Variants in LRRC7 observed in about 807,000 individuals in gnomAD.
LRRC7 encodes leucine rich repeat containing 7, also known as leucine-rich repeat-containing protein 7.
A neutral mutation model predicts 175.7 loss-of-function variants in LRRC7; 23 were observed. The ratio of observed to expected loss-of-function variants is 0.13; its 90% CI spans 0.09 to 0.19. The LOEUF (loss-of-function observed/expected upper bound fraction) is 0.19, where lower values mean the gene tolerates loss of function less well. Among genes scored for constraint, LRRC7 ranks in the 10% least tolerant of loss-of-function variants. The pLI is 1.00. For missense variants in LRRC7, 1,354 were observed against 1,904.7 expected, an observed-to-expected ratio of 0.71 and a Z score of 5.38; for synonymous variants, 685 against 680.9, an observed-to-expected ratio of 1.01 and a Z score of -0.09.
intron 4 of LRRC7, among the ~76,000 whole-genome samples, chr1:69,795,937 T>C (rs927705004): frequency 6.6e-6 from 1 of 151,990 alleles, no homozygotes; most frequent in Admixed American, 6.5e-5. Context: ...TTTCTTATTT[T>C]GTTTTTCCTA....
chr1:70,032,990 C>T (rs1241226415), intron 18 of LRRC7, among the ~76,000 whole-genome samples: 6 of 152,178 alleles, frequency 3.9e-5, no homozygotes, highest in African/African-American at 1.4e-4. Context: ...TAGAAGTAGT[C>T]CCCAAAACTT....
Position 70,001,267 on chromosome 1 carries a change from G to T in LRRC7, c.1004+6634G>T, listed in dbSNP as rs558231502. ...GATGAGAATATCAAACATTAATGAT[G>T]TTTGTAATGAGTATGGCTTCATATT... On this transcript the variant is annotated intron_variant, in intron 11 of 26. Coordinates refer to ENST00000651989, the MANE Select transcript of LRRC7 (RefSeq NM_001370785.2). 1.1e-3 allele frequency among the ~76,000 whole-genome samples: 173 copies of T among 152,226 alleles called. 2 individuals carry two copies. Among genetic ancestry groups the T allele is most frequent in the South Asian group, 1.7e-3 (8 of 4,830 alleles).
Position 70,076,089 on chromosome 1 carries a change from A to G in LRRC7, c.4243A>G (p.Ile1415Val). 1.2e-6 allele frequency: 2 copies of G among 1,613,596 alleles called. No homozygotes were observed. The highest frequency in any genetic ancestry group is 2.7e-5 in the African/African-American group (2 of 75,014). ...DTITKKAGSHIQTLMGSQSLQ... is the reference protein window; with the variant it reads ...DTITKKAGSHVQTLMGSQSLQ... ...ATCTTCTCCACAGGCAGGCAGCCACATCCAGACGTTGATGGGGTCCCAAAG... is the reference window on the plus strand; with the variant it reads ...ATCTTCTCCACAGGCAGGCAGCCACGTCCAGACGTTGATGGGGTCCCAAAG... The change falls in exon 24 of 27, where the codon ATC becomes GTC. Residue 1415 changes from isoleucine (I) to valine (V), a missense_variant. Around this residue, in one of 4 missense-constraint regions of LRRC7, gnomAD observed 1,032 missense variants for 1,227.2 expected, o/e 0.84. Transcript: ENST00000651989.
chr1:69,767,242 G>C (rs1671722204), intron 3 of LRRC7, among the ~76,000 whole-genome samples: 1 of 151,976 alleles, frequency 6.6e-6, no homozygotes, highest in Admixed American at 6.6e-5. Flanking sequence ...TCCTTTGTAT[G>C]ATTATACCGT....
rs776390791 is a variant in LRRC7, at chr1:69,598,195, G to A, written c.2+29554G>A. ...GGCTTTTCCTACTCTGCTGCTATAG[G>A]GTCAGGTAATGAAGCTTCATTTACC... On this transcript the variant is annotated intron_variant, in intron 1 of 26. Coordinates refer to ENST00000651989, the MANE Select transcript of LRRC7 (RefSeq NM_001370785.2). Among the ~76,000 whole-genome samples the A allele has an allele frequency of 2.3e-4, 35 of 151,970 alleles. 1 individual carries two copies. The highest frequency in any genetic ancestry group is 3.7e-4 in the Non-Finnish European group (25 of 68,012).
At chr1:69,723,367 T>C (rs945218966) in intron 2 of LRRC7, among the ~76,000 whole-genome samples, 1 of 152,116 alleles carries the variant, frequency 6.6e-6, no homozygotes, top group African/African-American at 2.4e-5. Context: ...ACACCTTCAT[T>C]TGAGACTTAA....
At chr1:69,596,856 C>T (rs1646865339) in intron 1 of LRRC7, among the ~76,000 whole-genome samples, 1 of 152,250 alleles carries the variant, frequency 6.6e-6, no homozygotes, top group Non-Finnish European at 1.5e-5. Context: ...CCATGTTCCT[C>T]TTTCTCCTCT....
At chr1:70,048,415 C>T (rs1008659858) in intron 22 of LRRC7, among the ~76,000 whole-genome samples, 13 of 152,070 alleles carry the variant, frequency 8.5e-5, no homozygotes, top group Admixed American at 1.3e-4. Context: ...GTTTCACTGT[C>T]ATAACTCCTG....
rs574357981 is a variant in LRRC7, at chr1:69,650,539, C to CAAAAAAAAAAAAAAAAA, written c.3-27827_3-27826insAAAAAAAAAAAAAAAAA. On this transcript the variant is annotated intron_variant, in intron 1 of 26. Coordinates refer to ENST00000651989, the MANE Select transcript of LRRC7 (RefSeq NM_001370785.2). Reference sequence around the variant, plus strand: ...TGGGCGAAAAAGAGAGACTCCGTCTCAAAAAAAAAAAAAAATGCCAAGCAT... The same window carrying CAAAAAAAAAAAAAAAAA: ...TGGGCGAAAAAGAGAGACTCCGTCTCAAAAAAAAAAAAAAAAAAAAAAAAAAAAAAAATGCCAAGCAT... 3.0e-3 allele frequency among the ~76,000 whole-genome samples: 234 copies of CAAAAAAAAAAAAAAAAA among 79,122 alleles called. 13 individuals are homozygous for CAAAAAAAAAAAAAAAAA. Among genetic ancestry groups the CAAAAAAAAAAAAAAAAA allele is most frequent in the African/African-American group, 9.4e-3 (179 of 18,958 alleles). The allele number at this position is 79,122 out of a possible 152,430, so 51.9% of individuals were successfully genotyped here. A position where few individuals can be genotyped will look rare whatever the true frequency, so the allele number is the denominator to read the frequency against.
chr1:69,714,389 T>G (rs1665108639), intron 2 of LRRC7, among the ~76,000 whole-genome samples: 1 of 152,214 alleles, frequency 6.6e-6, no homozygotes, highest in Admixed American at 6.5e-5. Context: ...AAGCAGCTTA[T>G]GAAAAAGTTA....
At chr1:69,658,739 A>T (rs1201682330) in intron 1 of LRRC7, among the ~76,000 whole-genome samples, 2 of 152,112 alleles carry the variant, frequency 1.3e-5, no homozygotes, top group African/African-American at 4.8e-5. Context: ...CAGTAACAAG[A>T]ATCAGAAGAA....
At chr1:69,977,211 TC>T (rs1186668602) in intron 8 of LRRC7, among the ~76,000 whole-genome samples, 1 of 152,158 alleles carries the variant, frequency 6.6e-6, no homozygotes, top group Non-Finnish European at 1.5e-5. Flanking sequence ...CCTCATTACC[TC>T]TTTCATTACC....
At chr1:69,814,056 T>TA (rs1678289307) in intron 4 of LRRC7, among the ~76,000 whole-genome samples, 1 of 152,126 alleles carries the variant, frequency 6.6e-6, no homozygotes. Flanking sequence ...AATTTCTTTA[T>TA]AAATTGAAAA....
At chr1:69,572,235 A>G (rs1426254551) in intron 1 of LRRC7, among the ~76,000 whole-genome samples, 1 of 152,176 alleles carries the variant, frequency 6.6e-6, no homozygotes, top group East Asian at 1.9e-4. Context: ...AGCAGTCAAC[A>G]TCAGTCTTCA....
intron 17 of LRRC7, among the ~76,000 whole-genome samples, chr1:70,026,333 A>T (rs1160296110): frequency 6.6e-6 from 1 of 152,138 alleles, no homozygotes; most frequent in Non-Finnish European, 1.5e-5. Context: ...GCATTCTACA[A>T]CTTACATTTT....
intron 2 of LRRC7, among the ~76,000 whole-genome samples, chr1:69,696,839 A>C (rs535809022): frequency 1.3e-5 from 2 of 152,128 alleles, no homozygotes; most frequent in Non-Finnish European, 2.9e-5. Context: ...CTTCCTTAAG[A>C]CCTCACCAGA....
At chr1:69,624,716 C>T (rs1651201042) in intron 1 of LRRC7, among the ~76,000 whole-genome samples, 1 of 151,982 alleles carries the variant, frequency 6.6e-6, no homozygotes, top group African/African-American at 2.4e-5. Flanking sequence ...TTCATTTTGT[C>T]CAATATGACT....
At chr1:69,903,685 C>CA (rs1243493858) in intron 7 of LRRC7, among the ~76,000 whole-genome samples, 2 of 151,948 alleles carry the variant, frequency 1.3e-5, no homozygotes, top group Non-Finnish European at 2.9e-5. Context: ...GATAGAGACA[C>CA]AAAAAACCCT....
intron 4 of LRRC7, among the ~76,000 whole-genome samples, chr1:69,794,532 A>G (rs569386559): frequency 5.9e-5 from 9 of 152,352 alleles, no homozygotes; most frequent in African/African-American, 2.2e-4. Context: ...CTGTACAATA[A>G]AACAATTACT....
Sources: gnomAD v4.1 joint callset for allele counts (sites outside exome capture counted in the v4.1 genomes callset) on GRCh38, gnomAD v4.1.1 for gene constraint, gnomAD v4.1.1 regional missense constraint, MANE v1.5 for transcripts, NCBI Gene and HGNC (gene_info 2026-07-23, HGNC 2026-07-21) for gene names.